Variants in GPAT4 observed in about 807,000 individuals in gnomAD.
GPAT4 encodes the protein 1-AGP acyltransferase 6.
In GPAT4, 17 loss-of-function variants were observed where a neutral mutation model predicts 58.0. The observed-to-expected ratio is 0.29, with a 90% CI of 0.20 to 0.44. The LOEUF (loss-of-function observed/expected upper bound fraction) is 0.44, where lower values mean the gene tolerates loss of function less well. GPAT4 is among the 20% of genes least tolerant of loss of function. GPAT4 has a pLI of 1.00. For missense variants in GPAT4, 377 were observed against 574.5 expected (o/e 0.66, Z 3.51); for synonymous variants, 204 against 210.1 (o/e 0.97, Z 0.25).
intron 1 of GPAT4, among the ~76,000 whole-genome samples, chr8:41,592,744 A>G (rs868415355): frequency 1.3e-5 from 2 of 152,224 alleles, no homozygotes; most frequent in African/African-American, 2.4e-5. Context: ...AGTTTGAAAC[A>G]CTGGCTCAGG....
At position 41,609,971 on chromosome 8, in the gene GPAT4, C is replaced by T. The variant is rs201102148; in HGVS notation, c.536+16C>T. On this transcript the variant is annotated intron_variant, in intron 4 of 12. Coordinates refer to ENST00000396987, the MANE Select transcript of GPAT4 (RefSeq NM_178819.4). ...TGCCGCTCAGGTGAGGCAGGGCCTG[C>T]GGGAGTGGGGCTCGCTGCTGCCACC... is the stretch of plus-strand genomic sequence containing the variant. The T allele has an allele frequency of 1.9e-4, 300 of 1,580,638 alleles. No individual in the cohort carries two copies. The highest frequency in any genetic ancestry group is 2.4e-4 in the Non-Finnish European group (284 of 1,161,660).
intron 1 of GPAT4, among the ~76,000 whole-genome samples, chr8:41,583,869 T>C (rs1802587185): frequency 6.6e-6 from 1 of 152,240 alleles, no homozygotes; most frequent in Non-Finnish European, 1.5e-5. Context: ...CAAAAAAGTC[T>C]GCTGTCACGA....
Position 41,624,437 on chromosome 8 carries a change from G to C in GPAT4, c.*3436G>C, listed in dbSNP as rs1803851930. 6.6e-6 allele frequency: 1 copy of C among 152,212 alleles called. No individual in the cohort carries two copies. Among genetic ancestry groups the C allele is most frequent in the Non-Finnish European group, 1.5e-5 (1 of 68,070 alleles). The allele number at this position is 152,212 out of a possible 1,614,324, so 9.4% of individuals were successfully genotyped here. On this transcript the variant is annotated 3_prime_UTR_variant, in exon 13 of 13. Coordinates refer to ENST00000396987, the MANE Select transcript of GPAT4 (RefSeq NM_178819.4). ...CCATTTCCTTCCTGGAATTGGCCAG[G>C]AACTTGATTTTCTGGGCTATTGCTT...
chr8:41,606,484 A>G (rs546178345), intron 2 of GPAT4, among the ~76,000 whole-genome samples: 2 of 152,306 alleles, frequency 1.3e-5, no homozygotes, highest in Admixed American at 6.5e-5. Flanking sequence ...GATTTGGTCC[A>G]GTAGGGTTTG....
chr8:41,613,461 A>G (rs1339758459), intron 8 of GPAT4, among the ~76,000 whole-genome samples: 3 of 152,138 alleles, frequency 2.0e-5, no homozygotes, highest in Admixed American at 2.0e-4. Flanking sequence ...AATTCATTGT[A>G]CCCATCATAA....
At chr8:41,587,559 G>A (rs1387199629) in intron 1 of GPAT4, among the ~76,000 whole-genome samples, 1 of 152,112 alleles carries the variant, frequency 6.6e-6, no homozygotes, top group Non-Finnish European at 1.5e-5. Flanking sequence ...ACTGACATTT[G>A]GGGCTGGACA....
chr8:41,594,388 T>C (rs905419240), intron 1 of GPAT4, among the ~76,000 whole-genome samples: 1 of 152,210 alleles, frequency 6.6e-6, no homozygotes, highest in Non-Finnish European at 1.5e-5. Context: ...TTTCCTAATA[T>C]ACCTTGCACA....
At chr8:41,595,573 G>A (rs71521535) in intron 1 of GPAT4, among the ~76,000 whole-genome samples, 35,184 of 152,002 alleles carry the variant, frequency 0.23, 4,115 homozygotes, top group East Asian at 0.29. Flanking sequence ...TTACAACAAG[G>A]TGGTATTGGA....
At chr8:41,619,132 C>T (rs1803680422) in intron 12 of GPAT4, 155 bp downstream of exon 12, 1 of 870,726 alleles carries the variant, frequency 1.1e-6, no homozygotes, top group Non-Finnish European at 1.8e-6. Flanking sequence ...CCAGAAGTGC[C>T]CTGTGCTTCC....
chr8:41,620,091 T>A (rs1803704417), intron 12 of GPAT4, among the ~76,000 whole-genome samples: 1 of 152,244 alleles, frequency 6.6e-6, no homozygotes, highest in South Asian at 2.1e-4. Flanking sequence ...CATGTTCCCA[T>A]CTCTGAAGTT....
intron 1 of GPAT4, among the ~76,000 whole-genome samples, chr8:41,591,338 T>G (rs1318542736): frequency 2.0e-5 from 3 of 152,220 alleles, no homozygotes; most frequent in Non-Finnish European, 4.4e-5. Flanking sequence ...GATTTTATAC[T>G]TCTTTCTTTA....
chr8:41,596,351 CAA>C (rs987258083), intron 1 of GPAT4, among the ~76,000 whole-genome samples: 6 of 152,178 alleles, frequency 3.9e-5, no homozygotes, highest in African/African-American at 1.4e-4. Flanking sequence ...ATCAGAGTAT[CAA>C]GAGATCCAAG....
intron 4 of GPAT4, 113 bp downstream of exon 4, chr8:41,610,068 T>G: frequency 6.7e-7 from 1 of 1,502,618 alleles, no homozygotes; most frequent in Non-Finnish European, 8.8e-7. Context: ...GGAATGACTG[T>G]CGTTAGCCAG....
In GPAT4 at chr8:41,623,084, C is replaced by T. The variant is rs1042972899; in HGVS notation, c.*2083C>T. On this transcript the variant is annotated 3_prime_UTR_variant, in exon 13 of 13. Coordinates refer to ENST00000396987, the MANE Select transcript of GPAT4 (RefSeq NM_178819.4). Reference sequence around the variant, plus strand: ...CATTCAGCACAGCTGTCTGCGGCCCCTGCCGGCAGGTGTGGCCGCACCTGG... The same window carrying T: ...CATTCAGCACAGCTGTCTGCGGCCCTTGCCGGCAGGTGTGGCCGCACCTGG... The T allele has an allele frequency of 6.6e-6, 1 of 152,236 alleles. No individual in the cohort carries two copies. Among genetic ancestry groups the T allele is most frequent in the Admixed American group, 6.5e-5 (1 of 15,288 alleles). 9.4% of individuals were successfully genotyped at this position (152,236 alleles called of 1,614,324 possible).
chr8:41,612,129 A>G (rs750636218), intron 6 of GPAT4, 51 bp from the exon 7 acceptor site: 10 of 1,602,288 alleles, frequency 6.2e-6, no homozygotes, highest in African/African-American at 1.3e-5. Flanking sequence ...GGTGTGTTAC[A>G]TGAACTGTTT....
intron 1 of GPAT4, among the ~76,000 whole-genome samples, chr8:41,581,999 T>A (rs1409652055): frequency 4.4e-5 from 2 of 45,674 alleles, no homozygotes; most frequent in African/African-American, 2.2e-4. Flanking sequence ...AATGATTTTT[T>A]TTTTTTTTTT....
chr8:41,596,698 A>G (rs540193299), intron 1 of GPAT4, among the ~76,000 whole-genome samples: 2 of 152,356 alleles, frequency 1.3e-5, no homozygotes, highest in Admixed American at 1.3e-4. Flanking sequence ...GGGCAGGCCT[A>G]AGTCACCTAA....
intron 2 of GPAT4, among the ~76,000 whole-genome samples, chr8:41,600,740 C>CATT (rs1289677581): frequency 2.6e-5 from 4 of 152,314 alleles, no homozygotes; most frequent in Middle Eastern, 3.4e-3. Context: ...ACCCCACACT[C>CATT]ATTAAGCATT....
intron 1 of GPAT4, among the ~76,000 whole-genome samples, chr8:41,592,920 A>T (rs1406566031): frequency 6.6e-6 from 1 of 152,174 alleles, no homozygotes; most frequent in Non-Finnish European, 1.5e-5. Flanking sequence ...AGGAAGGGCC[A>T]CTTTTTCCTT....
Sources: allele counts gnomAD v4.1 joint callset (sites outside exome capture counted in the v4.1 genomes callset), GRCh38; gene constraint gnomAD v4.1.1; transcripts MANE v1.5; gene names NCBI Gene and HGNC (gene_info 2026-07-23, HGNC 2026-07-21).